The following C3orf70 variants were observed in gnomAD, a reference collection of about 807,000 sequenced individuals.
The protein encoded by C3orf70 is UPF0524 protein C3orf70.
In C3orf70, 15 loss-of-function variants were observed where a neutral mutation model predicts 20.7. The ratio of observed to expected loss-of-function variants is 0.72; its 90% CI spans 0.48 to 1.11. The LOEUF (loss-of-function observed/expected upper bound fraction) is 1.11. Ranked by LOEUF, C3orf70 falls within the 50% of genes most tolerant of loss-of-function variation. The pLI is 0.00. For missense variants in C3orf70, 332 were observed against 317.6 expected (o/e 1.05, Z -0.34); for synonymous variants, 161 against 125.7 (o/e 1.28, Z -1.88).
intron 1 of C3orf70, among the ~76,000 whole-genome samples, chr3:185,139,616 T>G (rs551436749): frequency 1.3e-5 from 2 of 151,024 alleles, no homozygotes; most frequent in African/African-American, 4.9e-5. Context: ...TAGGCAAGAT[T>G]GTATGGTACT....
At chr3:185,117,418 T>TAC (rs141665642) in intron 1 of C3orf70, among the ~76,000 whole-genome samples, 2,949 of 135,178 alleles carry the variant, frequency 0.022, 26 homozygotes, top group Middle Eastern at 0.056. Flanking sequence ...ACCACACACA[T>TAC]ACACACACAC....
intron 1 of C3orf70, among the ~76,000 whole-genome samples, chr3:185,128,468 C>T (rs921874977): frequency 4.7e-5 from 7 of 150,120 alleles, no homozygotes; most frequent in Non-Finnish European, 1.0e-4. Context: ...GCAGAGGTTG[C>T]AGTGAGCCGA....
chr3:185,085,063 G>A (rs1471943438), intron 1 of C3orf70, among the ~76,000 whole-genome samples: 1 of 152,168 alleles, frequency 6.6e-6, no homozygotes, highest in Non-Finnish European at 1.5e-5. Context: ...CTAGATGCCA[G>A]TAGCAGCTCC....
intron 1 of C3orf70, among the ~76,000 whole-genome samples, chr3:185,101,342 T>C (rs1458788135): frequency 6.6e-6 from 1 of 152,186 alleles, no homozygotes; most frequent in Non-Finnish European, 1.5e-5. Context: ...CACGATCAAG[T>C]AGGCTTTGTC....
intron 1 of C3orf70, among the ~76,000 whole-genome samples, chr3:185,139,733 T>G (rs1314931027): frequency 6.6e-6 from 1 of 152,094 alleles, no homozygotes; most frequent in Non-Finnish European, 1.5e-5. Flanking sequence ...AATGGTGGAA[T>G]GATAATCTTT....
Position 185,101,992 on chromosome 3 carries a change from C to A in C3orf70, c.197-18429G>T, listed in dbSNP as rs563918795. Among the ~76,000 whole-genome samples, 71 of 152,270 alleles carry A rather than the reference C, an allele frequency of 4.7e-4. 3 individuals are homozygous for A. The South Asian group carries it at 0.015, about 32-fold the overall frequency. On this transcript the variant is annotated intron_variant, in intron 1 of 1. Coordinates refer to ENST00000335012, the MANE Select transcript of C3orf70 (RefSeq NM_001025266.3). The stretch of plus-strand genomic sequence containing the variant: ...CATACTGAATGGGTAAAAGGTAAGG[C>A]ATTCTTAATGAAAACCAACACAAGA...
Position 185,152,616 on chromosome 3 carries a change from G to A in C3orf70, c.196+12C>T, listed in dbSNP as rs529612075. The A allele has an allele frequency of 5.8e-5, 89 of 1,543,920 alleles. 3 individuals carry two copies. In the South Asian group the frequency reaches 8.1e-4, roughly 14 times the overall value. On this transcript the variant is annotated intron_variant, in intron 1 of 1. Coordinates refer to ENST00000335012, the MANE Select transcript of C3orf70 (RefSeq NM_001025266.3). ...ACCGCGGCGGAAGGCGGGAAGACGC[G>A]GCTCGACTTACAGTGACACCATCCT... is the stretch of plus-strand genomic sequence containing the variant.
chr3:185,142,705 C>A (rs548349465), intron 1 of C3orf70, among the ~76,000 whole-genome samples: 1 of 152,272 alleles, frequency 6.6e-6, no homozygotes, highest in South Asian at 2.1e-4. Context: ...GGAAAAAAAG[C>A]AAAAGGCATC....
At chr3:185,104,612 T>A (rs887583940) in intron 1 of C3orf70, among the ~76,000 whole-genome samples, 10 of 150,282 alleles carry the variant, frequency 6.7e-5, no homozygotes, top group Non-Finnish European at 1.0e-4. Context: ...AAAGAAAAAG[T>A]GGTACACATA....
At position 185,076,940 on chromosome 3, in the gene C3orf70, G is replaced by A. The variant is rs1331339256; in HGVS notation, c.*6067C>T. Among the ~76,000 whole-genome samples, 1 of 152,228 alleles carries A rather than the reference G, an allele frequency of 6.6e-6. No homozygotes were observed. Among genetic ancestry groups the A allele is most frequent in the Non-Finnish European group, 1.5e-5 (1 of 68,040 alleles). On this transcript the variant is annotated 3_prime_UTR_variant, in exon 2 of 2. Coordinates refer to ENST00000335012, the MANE Select transcript of C3orf70 (RefSeq NM_001025266.3). ...TTCTAGGACTTGGCAATACAATTAG[G>A]TAGAGAGTTAAAACAGTAGAGTGCA...
rs979323119 is a variant in C3orf70, at chr3:185,109,225, A to G, written c.197-25662T>C. ...GGCCAGATGTTATCAGCAGCTGAAC[A>G]GCAACTACAGAAACCAGCTGCAAAG... On this transcript the variant is annotated intron_variant, in intron 1 of 1. Transcript: ENST00000335012. Among the ~76,000 whole-genome samples, 6 of 152,374 alleles carry G rather than the reference A, an allele frequency of 3.9e-5. No individual in the cohort carries two copies. In the Middle Eastern group the frequency reaches 0.014, roughly 346 times the overall value.
chr3:185,116,227 G>C (rs747505908), intron 1 of C3orf70, among the ~76,000 whole-genome samples: 1 of 152,168 alleles, frequency 6.6e-6, no homozygotes, highest in Non-Finnish European at 1.5e-5. Context: ...AGCAAAGGAA[G>C]AATGCTATTT....
rs1447385369 is a variant in C3orf70, at chr3:185,082,786, A to G, written c.*221T>C. 5.8e-6 allele frequency: 3 copies of G among 520,468 alleles called. No homozygotes were observed. The highest frequency in any genetic ancestry group is 5.7e-5 in the African/African-American group (3 of 52,606). 32.2% of individuals were successfully genotyped at this position (520,468 alleles called of 1,614,324 possible). On this transcript the variant is annotated 3_prime_UTR_variant, in exon 2 of 2. Coordinates refer to ENST00000335012, the MANE Select transcript of C3orf70 (RefSeq NM_001025266.3). ...ATTCATGACACCAGATGCTACATAG[A>G]AAGTAAGTCAGGATACAAAAGAAAA...
At chr3:185,091,618 G>C (rs1715571107) in intron 1 of C3orf70, among the ~76,000 whole-genome samples, 1 of 151,710 alleles carries the variant, frequency 6.6e-6, no homozygotes, top group East Asian at 1.9e-4. Context: ...GCCCAGGGGA[G>C]TTAGGACAAA....
At chr3:185,126,740 G>A (rs1364359951) in intron 1 of C3orf70, among the ~76,000 whole-genome samples, 3 of 152,112 alleles carry the variant, frequency 2.0e-5, no homozygotes, top group African/African-American at 4.8e-5. Context: ...AGTGCAAAAC[G>A]AAAATGCTGG....
Position 185,077,812 on chromosome 3 carries a change from T to C in C3orf70, c.*5195A>G, listed in dbSNP as rs1479672021. 6.6e-6 allele frequency among the ~76,000 whole-genome samples: 1 copy of C among 151,518 alleles called. No homozygotes were observed. Among genetic ancestry groups the C allele is most frequent in the Non-Finnish European group, 1.5e-5 (1 of 67,940 alleles). On this transcript the variant is annotated 3_prime_UTR_variant, in exon 2 of 2. Coordinates refer to ENST00000335012, the MANE Select transcript of C3orf70 (RefSeq NM_001025266.3). The stretch of plus-strand genomic sequence containing the variant: ...GGTGGGGGGGGGGTATCAAGTTTTA[T>C]TTGCTATAAACCCAATGTAGCCAGA...
At chr3:185,133,707 G>C (rs1296755243) in intron 1 of C3orf70, among the ~76,000 whole-genome samples, 1 of 152,184 alleles carries the variant, frequency 6.6e-6, no homozygotes, top group Non-Finnish European at 1.5e-5. Flanking sequence ...TCACACTACT[G>C]CACTGCAGCC....
In C3orf70 at chr3:185,081,847, C is replaced by T. The variant is rs887121725; in HGVS notation, c.*1160G>A. On this transcript the variant is annotated 3_prime_UTR_variant, in exon 2 of 2. Transcript: ENST00000335012. ...CTGCTTTTGCAGCTGCATAAAAATCCATGCATCACACTGAATTCTAATCCA... is the reference window on the plus strand; with the variant it reads ...CTGCTTTTGCAGCTGCATAAAAATCTATGCATCACACTGAATTCTAATCCA... The T allele has an allele frequency of 6.6e-6, 1 of 152,622 alleles. No individual in the cohort carries two copies. The highest frequency in any genetic ancestry group is 1.5e-5 in the Non-Finnish European group (1 of 68,048). The allele number at this position is 152,622 out of a possible 1,614,324, so 9.5% of individuals were successfully genotyped here.
At chr3:185,106,356 C>T (rs151125242) in intron 1 of C3orf70, among the ~76,000 whole-genome samples, 7,893 of 152,206 alleles carry the variant, frequency 0.052, 664 homozygotes, top group African/African-American at 0.18. Context: ...TCTGCTAGCA[C>T]AGGCAATGGC....
Sources: allele counts gnomAD v4.1 joint callset (sites outside exome capture counted in the v4.1 genomes callset), GRCh38; gene constraint gnomAD v4.1.1; transcripts MANE v1.5; gene names NCBI Gene and HGNC (gene_info 2026-07-23, HGNC 2026-07-21).